PAX3: variants seen among roughly 807,000 people sequenced by gnomAD.
PAX3 encodes paired box 3.
In PAX3, 14 loss-of-function variants were observed where a neutral mutation model predicts 51.6. The observed-to-expected ratio is 0.27, with a 90% CI of 0.18 to 0.42. The LOEUF is 0.42. Ranked by LOEUF, PAX3 falls within the 10% of genes least tolerant of loss-of-function variation. The pLI, the probability that PAX3 is intolerant of heterozygous loss-of-function variation, is 1.00. For missense variants in PAX3, 540 were observed against 642.8 expected, an observed-to-expected ratio of 0.84 and a Z score of 1.73; for synonymous variants, 280 against 253.4, an observed-to-expected ratio of 1.11 and a Z score of -1.00.
At chr2:222,263,483 G>A (rs997023455) in intron 4 of PAX3, 3 of 152,144 alleles carry the variant, frequency 2.0e-5, no homozygotes, top group Non-Finnish European at 4.4e-5. Context: ...ACCAAGGGTT[G>A]GCACAGATGC....
rs191347510 is a variant in PAX3 at position 222,288,882 on chromosome 2, C to T, written c.586+5285G>A. Among the ~76,000 whole-genome samples, 126 of 152,302 alleles carry T rather than the reference C, an allele frequency of 8.3e-4. 1 individual carries two copies. Among genetic ancestry groups the T allele is most frequent in the Admixed American group, 3.0e-3 (46 of 15,304 alleles). ...CAGGACAGATAAATTGAAATGATCCCGCTTTGATCTCTATGGTTAAGAACC... is the reference window on the plus strand; with the variant it reads ...CAGGACAGATAAATTGAAATGATCCTGCTTTGATCTCTATGGTTAAGAACC... On this transcript the variant is annotated intron_variant, in intron 4 of 8. Coordinates refer to ENST00000392070, the MANE Select transcript of PAX3 (RefSeq NM_181458.4).
chr2:222,262,244 A>T (rs1693889140), intron 4 of PAX3, among the ~76,000 whole-genome samples: 1 of 152,208 alleles, frequency 6.6e-6, no homozygotes, highest in East Asian at 1.9e-4. Flanking sequence ...TATCCATTTT[A>T]TCAGTTCTTA....
intron 4 of PAX3, among the ~76,000 whole-genome samples, chr2:222,282,206 G>C (rs372172464): frequency 2.0e-5 from 3 of 152,150 alleles, no homozygotes; most frequent in South Asian, 4.2e-4. Context: ...CAGTTTTCTC[G>C]GGAGGGTTTT....
intron 7 of PAX3, among the ~76,000 whole-genome samples, chr2:222,205,565 G>T (rs1210215532): frequency 3.9e-5 from 6 of 152,154 alleles, no homozygotes; most frequent in Non-Finnish European, 8.8e-5. Context: ...ATCTTAAAAG[G>T]ATGGGGAATA....
intron 4 of PAX3, chr2:222,262,653 A>G (rs560819441): frequency 6.6e-6 from 1 of 151,522 alleles, no homozygotes; most frequent in Non-Finnish European, 1.5e-5. Context: ...TATGTGGACA[A>G]ACAGAGGACT....
At chr2:222,228,686 A>G (rs1185045033) in intron 5 of PAX3, among the ~76,000 whole-genome samples, 1 of 152,112 alleles carries the variant, frequency 6.6e-6, no homozygotes, top group African/African-American at 2.4e-5. Flanking sequence ...TGTAATCTCA[A>G]CACTTTGAGA....
At chr2:222,220,451 T>C in intron 6 of PAX3, 97 bp from the exon 7 acceptor site, 1 of 1,130,438 alleles carries the variant, frequency 8.8e-7, no homozygotes, top group Admixed American at 1.8e-5. Flanking sequence ...ATCAGGAGCA[T>C]CTATTGATCA....
intron 4 of PAX3, among the ~76,000 whole-genome samples, chr2:222,292,021 T>TGTGTGTGTGTG: frequency 7.4e-6 from 1 of 134,716 alleles, no homozygotes; most frequent in East Asian, 2.1e-4. Flanking sequence ...TGTGTGTGTG[T>TGTGTGTGTGTG]TTCCAACAGC....
In PAX3 at chr2:222,202,096, G is replaced by A. The variant is rs1691315803; in HGVS notation, c.1268C>T (p.Thr423Ile). The A allele has an allele frequency of 6.2e-7, 1 of 1,613,870 alleles. No individual in the cohort carries two copies. Among genetic ancestry groups the A allele is most frequent in the Non-Finnish European group, 8.5e-7 (1 of 1,180,006 alleles). Residue 423 changes from threonine to isoleucine, a missense_variant, in exon 8 of 9, where the codon ACC becomes ATC. Transcript: ENST00000392070. ...SPLTGGLEPT[T>I]TVSASCSQRL... ...CTGACTGCAGCTGGCCGACACCGTGGTGGTAGGTTCCAGACCCCCGGTGAG... is the reference window on the plus strand; with the variant it reads ...CTGACTGCAGCTGGCCGACACCGTGATGGTAGGTTCCAGACCCCCGGTGAG...
chr2:222,226,460 GAC>G (rs565996025), intron 5 of PAX3, among the ~76,000 whole-genome samples: 162 of 152,070 alleles, frequency 1.1e-3, no homozygotes, highest in African/African-American at 3.4e-3. Context: ...AAAGACCATG[GAC>G]ACACACAAAA....
chr2:222,244,854 G>C, intron 4 of PAX3, among the ~76,000 whole-genome samples: 1 of 151,916 alleles, frequency 6.6e-6, no homozygotes, highest in Non-Finnish European at 1.5e-5. Context: ...TGTACTGTGA[G>C]ATCAAAAATT....
At chr2:222,217,318 A>G (rs1692002386) in intron 7 of PAX3, among the ~76,000 whole-genome samples, 1 of 152,328 alleles carries the variant, frequency 6.6e-6, no homozygotes, top group East Asian at 1.9e-4. Flanking sequence ...GAAAAGTTTT[A>G]AAAAACTAGT....
chr2:222,254,272 A>G (rs1693552565), intron 4 of PAX3, among the ~76,000 whole-genome samples: 1 of 152,192 alleles, frequency 6.6e-6, no homozygotes, highest in African/African-American at 2.4e-5. Context: ...GCCTGGGGAA[A>G]GGAGGGTAGC....
At chr2:222,242,158 T>C (rs1693040045) in intron 4 of PAX3, among the ~76,000 whole-genome samples, 1 of 152,180 alleles carries the variant, frequency 6.6e-6, no homozygotes, top group African/African-American at 2.4e-5. Context: ...TTCGCTTATG[T>C]TTTTGTTACT....
At chr2:222,215,176 A>G (rs1048106579) in intron 7 of PAX3, among the ~76,000 whole-genome samples, 2 of 152,104 alleles carry the variant, frequency 1.3e-5, no homozygotes, top group African/African-American at 4.8e-5. Context: ...CTTCATAGGG[A>G]AAAAAATGTC....
Position 222,220,227 on chromosome 2 carries a change from T to G in PAX3, c.1086A>C (p.Gly362=). ...SAYCLPSTRH[G]FSSYTDSFVP... ...CAAAGCTGTCTGTATAGCTGGAAAATCCATGCCTGGTGCTGGGGAGGCAGT... is the reference window on the plus strand; with the variant it reads ...CAAAGCTGTCTGTATAGCTGGAAAAGCCATGCCTGGTGCTGGGGAGGCAGT... Residue 362 remains glycine (G), a synonymous_variant, in exon 7 of 9, where the codon GGA becomes GGC. Transcript: ENST00000392070. 4 of 1,613,842 alleles carry G rather than the reference T, an allele frequency of 2.5e-6. No individual in the cohort carries two copies. The highest frequency in any genetic ancestry group is 3.4e-6 in the Non-Finnish European group (4 of 1,179,938).
At position 222,296,214 on chromosome 2, in the gene PAX3, G is replaced by A. The variant is rs148765977; in HGVS notation, c.322-557C>T. The stretch of plus-strand genomic sequence containing the variant: ...CCCAATATATATTTTTTAAAAAGAA[G>A]AAGAAGGTTCCAAAGATTCTTAGAA... On this transcript the variant is annotated intron_variant, in intron 2 of 8. Transcript: ENST00000392070. Among the ~76,000 whole-genome samples the A allele has an allele frequency of 7.1e-3, 1,076 of 152,318 alleles. 6 individuals are homozygous for A. The highest frequency in any genetic ancestry group is 1.0e-2 in the Non-Finnish European group (678 of 68,022).
intron 4 of PAX3, among the ~76,000 whole-genome samples, chr2:222,281,065 C>G (rs1176683205): frequency 6.6e-6 from 1 of 152,236 alleles, no homozygotes; most frequent in Non-Finnish European, 1.5e-5. Context: ...ACACGTGCCC[C>G]AGATGTGCCC....
chr2:222,231,979 T>C, intron 5 of PAX3, 99 bp downstream of exon 5: 1 of 1,059,970 alleles, frequency 9.4e-7, no homozygotes. Flanking sequence ...CCATTCCTAA[T>C]ACATTTTTGG....
Sources: gnomAD v4.1 joint callset for allele counts (sites outside exome capture counted in the v4.1 genomes callset) on GRCh38, gnomAD v4.1.1 for gene constraint, MANE v1.5 for transcripts, NCBI Gene and HGNC (gene_info 2026-07-23, HGNC 2026-07-21) for gene names.